BTBD9: variants seen among roughly 807,000 people sequenced by gnomAD.
BTBD9 encodes BTB domain containing 9, also known as BTB/POZ domain-containing protein 9.
A neutral mutation model predicts 64.3 loss-of-function variants in BTBD9; 49 were observed. The observed-to-expected ratio is 0.76, with a 90% CI of 0.61 to 0.97. BTBD9 has a LOEUF of 0.97. BTBD9 is among the 50% of genes least tolerant of loss of function. The probability of loss-of-function intolerance (pLI) is 0.00; values close to 1 mark genes in which losing one functional copy is unlikely to be tolerated. For missense variants in BTBD9, 598 were observed against 762.1 expected (o/e 0.78, Z 2.53); for synonymous variants, 260 against 274.7 (o/e 0.95, Z 0.53).
At position 38,175,180 on chromosome 6, in the gene BTBD9, C is replaced by T; in HGVS notation, c.1644G>A (p.Val548=). Residue 548 remains valine, a splice_region_variant and synonymous_variant, in exon 11 of 11, where the codon GTG becomes GTA. Transcript: ENST00000481247. ...IVGTHNTANE[V]FHCVHFECPE... Reference sequence around the variant, plus strand: ...GACACTCAAAGTGGACACAGTGGAACACCTGGGAGAGAAAAGGAAAAGACC... The same window carrying T: ...GACACTCAAAGTGGACACAGTGGAATACCTGGGAGAGAAAAGGAAAAGACC... The T allele has an allele frequency of 6.2e-7, 1 of 1,614,176 alleles. No homozygotes were observed. The highest frequency in any genetic ancestry group is 1.1e-5 in the South Asian group (1 of 91,088).
At chr6:38,596,693 C>T (rs1001488688) in intron 2 of BTBD9, among the ~76,000 whole-genome samples, 5 of 150,642 alleles carry the variant, frequency 3.3e-5, no homozygotes, top group East Asian at 2.0e-4. Context: ...CCCAGCTACT[C>T]GGGAGGCTGA....
chr6:38,256,453 C>T lies in BTBD9; in HGVS notation c.1518G>A (p.Gln506=). The T allele has an allele frequency of 6.2e-7, 1 of 1,614,068 alleles. No homozygotes were observed. The highest frequency in any genetic ancestry group is 8.5e-7 in the Non-Finnish European group (1 of 1,179,942). The change falls in exon 9 of 11, where the codon CAG becomes CAA. Residue 506 remains glutamine, a synonymous_variant. Transcript: ENST00000481247. The part of the protein sequence containing the change: ...YSYYVEVSTN[Q]QQWTMVADRT... ...TGTCAGCAACCATGGTCCACTGTTG[C>T]TGGTTGGTAGAAACCTCAACGTAGT... is the stretch of plus-strand genomic sequence containing the variant.
chr6:38,258,771 TCC>T (rs1431491985), intron 8 of BTBD9, among the ~76,000 whole-genome samples: 1 of 152,140 alleles, frequency 6.6e-6, no homozygotes, highest in Non-Finnish European at 1.5e-5. Flanking sequence ...GCACCTGTAA[TCC>T]CAGCTACTCG....
At chr6:38,440,296 A>C (rs1420421734) in intron 6 of BTBD9, among the ~76,000 whole-genome samples, 1 of 152,212 alleles carries the variant, frequency 6.6e-6, no homozygotes, top group Non-Finnish European at 1.5e-5. Context: ...AAACGCACTA[A>C]GTAGAAACAG....
chr6:38,448,888 T>C (rs1769395076), intron 6 of BTBD9, among the ~76,000 whole-genome samples: 1 of 152,196 alleles, frequency 6.6e-6, no homozygotes, highest in South Asian at 2.1e-4. Flanking sequence ...TCTATTATAG[T>C]ATTTATGAGG....
intron 6 of BTBD9, among the ~76,000 whole-genome samples, chr6:38,546,368 A>G (rs1288587204): frequency 1.3e-5 from 2 of 152,190 alleles, no homozygotes; most frequent in South Asian, 4.1e-4. Context: ...AAGAATAAAC[A>G]CCTCAATTAT....
intron 8 of BTBD9, among the ~76,000 whole-genome samples, chr6:38,269,538 C>T (rs1420619564): frequency 6.6e-6 from 1 of 151,976 alleles, no homozygotes. Context: ...AACTGCTAAA[C>T]AGCTGTAATT....
chr6:38,510,431 G>A (rs1295971210), intron 6 of BTBD9, among the ~76,000 whole-genome samples: 1 of 152,200 alleles, frequency 6.6e-6, no homozygotes, highest in Non-Finnish European at 1.5e-5. Context: ...TGAGTGGTGA[G>A]TGAATGTAAA....
At chr6:38,545,008 G>C (rs1327223468) in intron 6 of BTBD9, among the ~76,000 whole-genome samples, 1 of 149,942 alleles carries the variant, frequency 6.7e-6, no homozygotes, top group Non-Finnish European at 1.5e-5. Context: ...AGAGGTAAGA[G>C]GAAGCCAGAT....
At chr6:38,540,704 A>T (rs557979611) in intron 6 of BTBD9, among the ~76,000 whole-genome samples, 1 of 152,336 alleles carries the variant, frequency 6.6e-6, no homozygotes, top group South Asian at 2.1e-4. Flanking sequence ...AGATTTATAG[A>T]ATAAAAAGTC....
chr6:38,616,715 T>G (rs987299553), intron 1 of BTBD9, among the ~76,000 whole-genome samples: 2 of 151,862 alleles, frequency 1.3e-5, no homozygotes, highest in Non-Finnish European at 2.9e-5. Flanking sequence ...AAACGAAACA[T>G]GGGAGGGGAC....
intron 6 of BTBD9, among the ~76,000 whole-genome samples, chr6:38,548,597 T>C (rs1182666592): frequency 2.0e-5 from 2 of 100,288 alleles, no homozygotes; most frequent in Non-Finnish European, 4.2e-5. Context: ...AAAATATCTA[T>C]TTTTTTTCCC....
At chr6:38,426,031 T>C (rs911975006) in intron 6 of BTBD9, among the ~76,000 whole-genome samples, 15 of 151,764 alleles carry the variant, frequency 9.9e-5, no homozygotes, top group Non-Finnish European at 1.8e-4. Flanking sequence ...TAATTCTTGA[T>C]GTCTTTACAA....
chr6:38,549,198 G>T (rs564168765), intron 6 of BTBD9, among the ~76,000 whole-genome samples: 2 of 152,144 alleles, frequency 1.3e-5, no homozygotes, highest in Non-Finnish European at 2.9e-5. Flanking sequence ...AGCTATGAAC[G>T]CTGGTAAGAT....
chr6:38,281,156 T>C (rs1199008260), intron 8 of BTBD9, among the ~76,000 whole-genome samples: 3 of 152,170 alleles, frequency 2.0e-5, no homozygotes, highest in Non-Finnish European at 2.9e-5. Context: ...AGGAAAAAAA[T>C]GGCATTTTTT....
chr6:38,201,347 T>C (rs772443442), intron 9 of BTBD9, among the ~76,000 whole-genome samples: 4 of 152,164 alleles, frequency 2.6e-5, no homozygotes, highest in Non-Finnish European at 4.4e-5. Flanking sequence ...AAAAACCATA[T>C]GATCATTTCA....
intron 1 of BTBD9, among the ~76,000 whole-genome samples, chr6:38,610,362 G>GT (rs1372943325): frequency 1.3e-5 from 2 of 152,210 alleles, no homozygotes; most frequent in Non-Finnish European, 2.9e-5. Flanking sequence ...TGTGGATAAA[G>GT]TGAGATTTAA....
At chr6:38,465,706 ATTATAT>A (rs1404192819) in intron 6 of BTBD9, among the ~76,000 whole-genome samples, 33 of 60,394 alleles carry the variant, frequency 5.5e-4, no homozygotes, top group African/African-American at 1.7e-3. Flanking sequence ...AAATAAATAA[ATTATAT>A]ATATATATAT....
chr6:38,380,540 A>C (rs76900593), intron 6 of BTBD9, among the ~76,000 whole-genome samples: 2,629 of 152,338 alleles, frequency 0.017, 75 homozygotes, highest in African/African-American at 0.057. Flanking sequence ...TGAGTCTAGA[A>C]GAGGGTAGGC....
Sources: allele counts gnomAD v4.1 joint callset (sites outside exome capture counted in the v4.1 genomes callset), GRCh38; gene constraint gnomAD v4.1.1; transcripts MANE v1.5; gene names NCBI Gene and HGNC (gene_info 2026-07-23, HGNC 2026-07-21).